KCNIP4: variants seen among roughly 807,000 people sequenced by gnomAD.
KCNIP4 encodes Kv channel-interacting protein 4.
Under a neutral mutation model 34.0 loss-of-function variants are expected in KCNIP4, and 12 were observed. The ratio of observed to expected loss-of-function variants is 0.35; its 90% CI spans 0.23 to 0.57. The LOEUF (loss-of-function observed/expected upper bound fraction) is 0.57. KCNIP4 is among the 20% of genes least tolerant of loss of function. The pLI, the probability that KCNIP4 is intolerant of heterozygous loss-of-function variation, is 0.83. For synonymous variants in KCNIP4, 124 were observed against 102.2 expected, an observed-to-expected ratio of 1.21 and a Z score of -1.29; for missense variants, 238 against 311.7, an observed-to-expected ratio of 0.76 and a Z score of 1.78.
chr4:21,943,980 C>A (rs1730351527), intron 1 of KCNIP4, among the ~76,000 whole-genome samples: 1 of 150,194 alleles, frequency 6.7e-6, no homozygotes, highest in African/African-American at 2.5e-5. Flanking sequence ...TAACAACATG[C>A]CTCAAAAAAT....
At chr4:21,394,047 T>A (rs969463964) in intron 1 of KCNIP4, among the ~76,000 whole-genome samples, 1 of 152,186 alleles carries the variant, frequency 6.6e-6, no homozygotes, top group Non-Finnish European at 1.5e-5. Flanking sequence ...TTATTTTCCT[T>A]AAAATCAACA....
chr4:21,191,446 A>T (rs370383861), intron 1 of KCNIP4, among the ~76,000 whole-genome samples: 33 of 152,338 alleles, frequency 2.2e-4, no homozygotes, highest in African/African-American at 7.7e-4. Flanking sequence ...TTTATGCTAC[A>T]ACAAAACCGC....
intron 1 of KCNIP4, among the ~76,000 whole-genome samples, chr4:21,765,212 G>T (rs1212560276): frequency 6.6e-6 from 1 of 150,780 alleles, no homozygotes; most frequent in African/African-American, 2.5e-5. Context: ...CTGGAATGGA[G>T]TGATGCGATC....
chr4:21,707,181 G>A (rs1295408323), intron 1 of KCNIP4, among the ~76,000 whole-genome samples: 1 of 152,154 alleles, frequency 6.6e-6, no homozygotes, highest in Non-Finnish European at 1.5e-5. Context: ...TGATGCCATT[G>A]TTGAGGCTTT....
At chr4:21,074,935 T>C (rs1007687464) in intron 1 of KCNIP4, among the ~76,000 whole-genome samples, 1 of 152,214 alleles carries the variant, frequency 6.6e-6, no homozygotes, top group South Asian at 2.1e-4. Context: ...AGTTTCCATG[T>C]AGTTGAGCAG....
At chr4:21,317,445 G>A (rs1713887111) in intron 1 of KCNIP4, among the ~76,000 whole-genome samples, 1 of 152,138 alleles carries the variant, frequency 6.6e-6, no homozygotes, top group African/African-American at 2.4e-5. Flanking sequence ...GAAATCAAAT[G>A]AGCAAATATC....
intron 3 of KCNIP4, among the ~76,000 whole-genome samples, chr4:20,807,431 A>G (rs1715226648): frequency 6.6e-6 from 1 of 152,102 alleles, no homozygotes; most frequent in Non-Finnish European, 1.5e-5. Flanking sequence ...TGTAGGCCAC[A>G]TCCAGTTTAC....
At chr4:20,788,110 A>G (rs1215486422) in intron 3 of KCNIP4, among the ~76,000 whole-genome samples, 40 of 152,102 alleles carry the variant, frequency 2.6e-4, no homozygotes, top group Admixed American at 2.6e-3. Flanking sequence ...CTGCGGGGAA[A>G]GGAATTTTTT....
intron 1 of KCNIP4, among the ~76,000 whole-genome samples, chr4:21,046,955 T>G (rs28644447): frequency 1.3e-5 from 2 of 152,194 alleles, no homozygotes; most frequent in Non-Finnish European, 2.9e-5. Flanking sequence ...GTCTTCTGCC[T>G]GCTCACACTA....
At chr4:20,863,583 A>G (rs973871277) in intron 2 of KCNIP4, among the ~76,000 whole-genome samples, 7 of 152,150 alleles carry the variant, frequency 4.6e-5, no homozygotes, top group Non-Finnish European at 1.0e-4. Flanking sequence ...AGAAAGGGCT[A>G]TTATCAATTT....
intron 3 of KCNIP4, among the ~76,000 whole-genome samples, chr4:20,796,887 A>T (rs1713547958): frequency 6.6e-6 from 1 of 152,326 alleles, no homozygotes; most frequent in African/African-American, 2.4e-5. Flanking sequence ...AAAACACAGC[A>T]CTCAGTGCAG....
rs570536525 is a variant in KCNIP4 at position 20,734,804 on chromosome 4, T to C, written c.430-69A>G. On this transcript the variant is annotated intron_variant, in intron 5 of 8. Transcript: ENST00000382152. ...AAACAAAAACAAAAAAAACAAATGA[T>C]GTAAGTAAGGGCTACAACCCTCTGG... 10 of 690,218 alleles carry C rather than the reference T, an allele frequency of 1.4e-5. No individual in the cohort carries two copies. The South Asian group carries it at 2.0e-4, about 14-fold the overall frequency. The allele number at this position is 690,218 out of a possible 1,614,324, so 42.8% of individuals were successfully genotyped here.
chr4:21,591,357 A>AAAAAC (rs773858028), intron 1 of KCNIP4, among the ~76,000 whole-genome samples: 10 of 152,208 alleles, frequency 6.6e-5, no homozygotes, highest in East Asian at 3.9e-4. Flanking sequence ...AAGAAAACAC[A>AAAAAC]AAAACAAAAC....
chr4:21,021,436 A>G (rs1015820678), intron 1 of KCNIP4, among the ~76,000 whole-genome samples: 2 of 152,196 alleles, frequency 1.3e-5, no homozygotes, highest in African/African-American at 4.8e-5. Context: ...CAACTTTGTT[A>G]CTTTTTAATT....
rs1334804150 is a variant in KCNIP4 at position 21,488,288 on chromosome 4, C to T, written c.61+460283G>A. ...CTCCAACTGTGAGAAATATGGCTCC[C>T]ATATTCACCATCCATTTATTTAATT... On this transcript the variant is annotated intron_variant, in intron 1 of 8. Transcript: ENST00000382152. Among the ~76,000 whole-genome samples the T allele has an allele frequency of 2.0e-5, 3 of 152,224 alleles. No individual in the cohort carries two copies. The East Asian group carries it at 5.8e-4, about 29-fold the overall frequency.
intron 1 of KCNIP4, among the ~76,000 whole-genome samples, chr4:21,177,376 G>A (rs13125708): frequency 3.9e-5 from 6 of 152,078 alleles, no homozygotes; most frequent in Non-Finnish European, 7.4e-5. Flanking sequence ...ACAGGGAATA[G>A]GAGATGAGAT....
intron 1 of KCNIP4, among the ~76,000 whole-genome samples, chr4:20,928,002 T>C (rs983564999): frequency 3.3e-5 from 5 of 151,544 alleles, no homozygotes; most frequent in African/African-American, 1.2e-4. Context: ...GCAGGGATGA[T>C]AGAAAATACT....
intron 1 of KCNIP4, among the ~76,000 whole-genome samples, chr4:21,655,565 TTTAA>T (rs1747854504): frequency 6.6e-6 from 1 of 152,220 alleles, no homozygotes; most frequent in Admixed American, 6.5e-5. Context: ...TATACTCTTA[TTTAA>T]TCTCCTTTCA....
At chr4:20,858,037 C>A (rs1721792877) in intron 2 of KCNIP4, among the ~76,000 whole-genome samples, 1 of 151,642 alleles carries the variant, frequency 6.6e-6, no homozygotes, top group African/African-American at 2.4e-5. Context: ...GCAAAACCCC[C>A]CATCTCTACT....
Sources: allele counts gnomAD v4.1 joint callset (sites outside exome capture counted in the v4.1 genomes callset), GRCh38; gene constraint gnomAD v4.1.1; transcripts MANE v1.5; gene names NCBI Gene and HGNC (gene_info 2026-07-23, HGNC 2026-07-21).